The following CNIH3 variants were observed in gnomAD, a reference collection of about 807,000 sequenced individuals.
The protein encoded by CNIH3 is cornichon family AMPA receptor auxiliary protein 3, also known as protein cornichon homolog 3.
CNIH3 carries 14 observed loss-of-function variants against 24.1 expected under a neutral mutation model. The ratio of observed to expected loss-of-function variants is 0.58; its 90% CI spans 0.38 to 0.91. The LOEUF (loss-of-function observed/expected upper bound fraction) is 0.91, where lower values mean the gene tolerates loss of function less well. Among genes scored for constraint, CNIH3 ranks in the 40% least tolerant of loss-of-function variants. The pLI is 0.00. For missense variants in CNIH3, 178 were observed against 196.8 expected (o/e 0.90, Z 0.57); for synonymous variants, 68 against 73.8 (o/e 0.92, Z 0.40).
At chr1:224,629,851 G>T (rs1683733126) in intron 1 of CNIH3, among the ~76,000 whole-genome samples, 1 of 152,048 alleles carries the variant, frequency 6.6e-6, no homozygotes, top group South Asian at 2.1e-4. Flanking sequence ...CCCACTTCAT[G>T]CATTTGCTTA....
intron 5 of CNIH3, chr1:224,587,460 A>G (rs1681558080): frequency 6.6e-6 from 1 of 152,268 alleles, no homozygotes; most frequent in Admixed American, 6.5e-5. Context: ...CCTCTTGGGA[A>G]GGAAGCGGGT....
intron 3 of CNIH3, among the ~76,000 whole-genome samples, chr1:224,697,686 C>T (rs183759763): frequency 6.6e-6 from 1 of 152,248 alleles, no homozygotes; most frequent in Non-Finnish European, 1.5e-5. Context: ...GTTTTTCAAC[C>T]CCCAGAATGC....
At chr1:224,679,332 T>C (rs1312587832) in intron 1 of CNIH3, among the ~76,000 whole-genome samples, 1 of 152,084 alleles carries the variant, frequency 6.6e-6, no homozygotes, top group Non-Finnish European at 1.5e-5. Flanking sequence ...AGAGTGAGAC[T>C]CTGTCTCAAA....
At position 224,545,201 on chromosome 1, in the gene CNIH3, G is replaced by A. The variant is rs117439408; in HGVS notation, n.340-1628G>A. On this transcript the variant is annotated intron_variant and non_coding_transcript_variant, in intron 2 of 5. Coordinates refer to the CNIH3 transcript ENST00000471578. ...GAAGCTCCCCAAAGGCAATGACTGTGTAGCTTTTGCTGTCCACCATACCTG... is the reference window on the plus strand; with the variant it reads ...GAAGCTCCCCAAAGGCAATGACTGTATAGCTTTTGCTGTCCACCATACCTG... Among the ~76,000 whole-genome samples, 173 of 152,318 alleles carry A rather than the reference G, an allele frequency of 1.1e-3. 2 individuals carry two copies. The East Asian group carries it at 0.028, about 25-fold the overall frequency.
chr1:224,438,723 T>G (rs1461072735), intron 1 of CNIH3, among the ~76,000 whole-genome samples: 3 of 152,172 alleles, frequency 2.0e-5, no homozygotes, highest in African/African-American at 7.2e-5. Flanking sequence ...AGCACAGTTC[T>G]TGGGCCAGAA....
intron 2 of CNIH3, among the ~76,000 whole-genome samples, chr1:224,523,046 G>A (rs571299179): frequency 1.4e-4 from 21 of 152,206 alleles, no homozygotes; most frequent in African/African-American, 5.1e-4. Context: ...ACCAGCCTGG[G>A]CAACATAGGA....
intron 2 of CNIH3, among the ~76,000 whole-genome samples, chr1:224,527,265 G>C (rs1678885715): frequency 1.3e-5 from 2 of 152,172 alleles, no homozygotes; most frequent in Non-Finnish European, 2.9e-5. Flanking sequence ...CTAGCCTGCT[G>C]TCAATCCTGT....
chr1:224,616,290 A>C, upstream of CNIH3: 1 of 204,088 alleles, frequency 4.9e-6, no homozygotes, highest in Non-Finnish European at 9.2e-6. Context: ...AGAGGAGGGA[A>C]TCCCGGGTCG....
At chr1:224,623,818 A>C (rs1379885564) in intron 1 of CNIH3, among the ~76,000 whole-genome samples, 1 of 152,050 alleles carries the variant, frequency 6.6e-6, no homozygotes, top group Non-Finnish European at 1.5e-5. Context: ...CTGTGTCTTC[A>C]GCCACTGCCC....
intron 1 of CNIH3, among the ~76,000 whole-genome samples, chr1:224,626,800 G>A (rs1462798966): frequency 6.6e-6 from 1 of 152,162 alleles, no homozygotes; most frequent in Admixed American, 6.5e-5. Flanking sequence ...AGACTTTATT[G>A]CACCGTAGAT....
chr1:224,613,434 C>A (rs1682793161), upstream of CNIH3, among the ~76,000 whole-genome samples: 1 of 152,226 alleles, frequency 6.6e-6, no homozygotes, highest in African/African-American at 2.4e-5. Context: ...GTCTTGTGCT[C>A]AGAAGGGCCT....
At chr1:224,434,760 C>A in exon 1 of CNIH3, 1 of 986,672 alleles carries the variant, frequency 1.0e-6, no homozygotes, top group South Asian at 4.5e-5. Context: ...CCGCTCTGCT[C>A]CCTGGTGTGT....
intron 1 of CNIH3, among the ~76,000 whole-genome samples, chr1:224,476,936 G>C (rs747088955): frequency 3.3e-5 from 5 of 152,178 alleles, no homozygotes; most frequent in African/African-American, 4.8e-5. Flanking sequence ...GCGAGGTACA[G>C]GTTGCTAGGG....
intron 2 of CNIH3, among the ~76,000 whole-genome samples, chr1:224,535,499 C>T (rs182760590): frequency 3.3e-5 from 5 of 152,278 alleles, no homozygotes; most frequent in East Asian, 1.9e-4. Flanking sequence ...TCAAGGTTAA[C>T]GTGTCTGAAG....
intron 1 of CNIH3, among the ~76,000 whole-genome samples, chr1:224,500,345 G>T (rs192118227): frequency 3.3e-5 from 5 of 152,074 alleles, no homozygotes; most frequent in Non-Finnish European, 7.4e-5. Context: ...GTCCCAAAAT[G>T]GTTGCCAGCA....
chr1:224,662,267 A>T (rs1021207214), intron 1 of CNIH3, among the ~76,000 whole-genome samples: 1 of 152,210 alleles, frequency 6.6e-6, no homozygotes, highest in Non-Finnish European at 1.5e-5. Flanking sequence ...AGCAGTCTAG[A>T]TTACGTATGA....
At position 224,458,006 on chromosome 1, in the gene CNIH3, A is replaced by G. The variant is rs768477586; in HGVS notation, n.203+23144A>G. Among the ~76,000 whole-genome samples the G allele has an allele frequency of 6.6e-6, 1 of 152,198 alleles. No homozygotes were observed. Among genetic ancestry groups the G allele is most frequent in the Admixed American group, 6.5e-5 (1 of 15,274 alleles). ...TTTATGCCAGTTAGTGCCCTTTGAA[A>G]TGGTCTTAAACAGAAATAGTGTATT... On this transcript the variant is annotated intron_variant and non_coding_transcript_variant, in intron 1 of 5. Coordinates refer to the CNIH3 transcript ENST00000471578. The surrounding 1 kb of genome is among the most constrained non-coding windows in gnomAD (Gnocchi z 4.3).
chr1:224,679,908 C>CT (rs1295211678), intron 1 of CNIH3, among the ~76,000 whole-genome samples: 8 of 152,000 alleles, frequency 5.3e-5, no homozygotes, highest in Admixed American at 5.2e-4. Context: ...TTTTATTTTC[C>CT]TTTTTTTCTC....
At chr1:224,586,480 C>T (rs1420056715) in intron 5 of CNIH3, among the ~76,000 whole-genome samples, 2 of 152,184 alleles carry the variant, frequency 1.3e-5, no homozygotes, top group Admixed American at 1.3e-4. Context: ...TACTGGGTCC[C>T]TCCCACAACA....
Sources: gnomAD v4.1 joint callset for allele counts (sites outside exome capture counted in the v4.1 genomes callset) on GRCh38, gnomAD v4.1.1 for gene constraint, Gnocchi (gnomAD v3.1) non-coding constraint, MANE v1.5 for transcripts, NCBI Gene and HGNC (gene_info 2026-07-23, HGNC 2026-07-21) for gene names.